FBXL7: variants seen among roughly 807,000 people sequenced by gnomAD.
The protein encoded by FBXL7 is F-box/LRR-repeat protein 7.
A neutral mutation model predicts 38.3 loss-of-function variants in FBXL7; 12 were observed. The observed-to-expected ratio is 0.31, with a 90% CI of 0.20 to 0.51. The LOEUF (loss-of-function observed/expected upper bound fraction) is 0.51. Among genes scored for constraint, FBXL7 ranks in the 20% least tolerant of loss-of-function variants. The pLI is 0.98. For missense variants in FBXL7, 567 were observed against 676.4 expected, an observed-to-expected ratio of 0.84 and a Z score of 1.79; for synonymous variants, 297 against 300.9, an observed-to-expected ratio of 0.99 and a Z score of 0.13.
intron 2 of FBXL7, among the ~76,000 whole-genome samples, chr5:15,803,579 C>T (rs1579476667): frequency 1.3e-5 from 2 of 149,592 alleles, no homozygotes; most frequent in East Asian, 4.0e-4. Flanking sequence ...CCCTTCTTTT[C>T]TTCCCTATCT....
intron 2 of FBXL7, among the ~76,000 whole-genome samples, chr5:15,873,985 A>G (rs977464104): frequency 9.2e-5 from 14 of 152,236 alleles, no homozygotes; most frequent in African/African-American, 3.4e-4. Context: ...ATTTCAGGCC[A>G]ATATCCCTGA....
chr5:15,856,036 T>G (rs373634888), intron 2 of FBXL7, among the ~76,000 whole-genome samples: 3 of 152,300 alleles, frequency 2.0e-5, no homozygotes, highest in African/African-American at 7.2e-5. Context: ...ATTTTCACAC[T>G]GCTGATAAAG....
intron 1 of FBXL7, among the ~76,000 whole-genome samples, chr5:15,593,886 A>G (rs1477412527): frequency 6.6e-6 from 1 of 152,182 alleles, no homozygotes; most frequent in Non-Finnish European, 1.5e-5. Context: ...AGTTATTTTC[A>G]TATTCAATAC....
Position 15,884,147 on chromosome 5 carries a change from C to G in FBXL7, c.128-43743C>G, listed in dbSNP as rs560181517. Among the ~76,000 whole-genome samples, 15 of 152,362 alleles carry G rather than the reference C, an allele frequency of 9.8e-5. 1 individual carries two copies. Among genetic ancestry groups the G allele is most frequent in the African/African-American group, 3.6e-4 (15 of 41,588 alleles). On this transcript the variant is annotated intron_variant, in intron 2 of 3. Coordinates refer to ENST00000504595, the MANE Select transcript of FBXL7 (RefSeq NM_012304.5). ...CTCTTGGCTTCTAGGCAGCCACCAT[C>G]TCCCTGCCTGCTCACATGGCCACTG...
chr5:15,689,166 T>C (rs1190058238), intron 2 of FBXL7, among the ~76,000 whole-genome samples: 1 of 152,172 alleles, frequency 6.6e-6, no homozygotes, highest in Non-Finnish European at 1.5e-5. Context: ...CTGGCCTGCA[T>C]GTCACACTGA....
intron 2 of FBXL7, among the ~76,000 whole-genome samples, chr5:15,820,580 A>C (rs1298179059): frequency 1.3e-5 from 2 of 152,020 alleles, no homozygotes; most frequent in Non-Finnish European, 2.9e-5. Context: ...ACAGCATCCA[A>C]TTTCAGTTTT....
chr5:15,715,721 A>T (rs1377763245), intron 2 of FBXL7, among the ~76,000 whole-genome samples: 1 of 152,214 alleles, frequency 6.6e-6, no homozygotes, highest in African/African-American at 2.4e-5. Context: ...TTGCTAACAC[A>T]TGGTATAAAC....
chr5:15,721,823 T>TTTTATTTATTTA (rs199590835), intron 2 of FBXL7, among the ~76,000 whole-genome samples: 54 of 151,422 alleles, frequency 3.6e-4, no homozygotes, highest in African/African-American at 1.3e-3. Context: ...ATAAGAATCC[T>TTTTATTTATTTA]TTTATTTATT....
intron 2 of FBXL7, among the ~76,000 whole-genome samples, chr5:15,691,427 C>T (rs559547159): frequency 6.6e-6 from 1 of 152,352 alleles, no homozygotes; most frequent in East Asian, 1.9e-4. Flanking sequence ...CAAGCCTTTG[C>T]TCTAAAGTGC....
chr5:15,553,528 A>T (rs572444268), intron 1 of FBXL7, among the ~76,000 whole-genome samples: 7 of 152,290 alleles, frequency 4.6e-5, no homozygotes, highest in Admixed American at 4.6e-4. Flanking sequence ...TACTATCGGG[A>T]ATTTCTAACC....
intron 2 of FBXL7, among the ~76,000 whole-genome samples, chr5:15,645,422 A>G (rs1741498307): frequency 6.6e-6 from 1 of 152,090 alleles, no homozygotes; most frequent in South Asian, 2.1e-4. Flanking sequence ...TGTGACCTGG[A>G]AGCCTCTTCC....
intron 1 of FBXL7, among the ~76,000 whole-genome samples, chr5:15,603,801 A>C (rs1208561432): frequency 1.3e-5 from 2 of 152,200 alleles, no homozygotes; most frequent in African/African-American, 4.8e-5. Context: ...GGAAGAAAGG[A>C]AAACATGACT....
intron 1 of FBXL7, among the ~76,000 whole-genome samples, chr5:15,571,951 A>G (rs1421367273): frequency 2.0e-5 from 3 of 152,168 alleles, no homozygotes; most frequent in Non-Finnish European, 2.9e-5. Flanking sequence ...AACACACAGA[A>G]TTAGCCCAGA....
intron 2 of FBXL7, among the ~76,000 whole-genome samples, chr5:15,753,904 A>G (rs1736221681): frequency 6.6e-6 from 1 of 152,252 alleles, no homozygotes; most frequent in South Asian, 2.1e-4. Flanking sequence ...TGGTCATCAG[A>G]TATAGGCTCT....
intron 2 of FBXL7, among the ~76,000 whole-genome samples, chr5:15,842,870 AT>A (rs1738786729): frequency 6.6e-6 from 1 of 152,174 alleles, no homozygotes; most frequent in Admixed American, 6.5e-5. Flanking sequence ...TTCTTTATAA[AT>A]TTAAATTACC....
chr5:15,685,981 G>T (rs369011989), intron 2 of FBXL7, among the ~76,000 whole-genome samples: 16 of 152,194 alleles, frequency 1.1e-4, no homozygotes, highest in African/African-American at 3.4e-4. Flanking sequence ...CAACAGTCCC[G>T]GGGGGAGACA....
intron 1 of FBXL7, among the ~76,000 whole-genome samples, chr5:15,581,884 A>C (rs1739153325): frequency 6.6e-6 from 1 of 152,108 alleles, no homozygotes; most frequent in Non-Finnish European, 1.5e-5. Flanking sequence ...AGACCTTGCA[A>C]TCTGGACATG....
intron 2 of FBXL7, among the ~76,000 whole-genome samples, chr5:15,667,782 A>G (rs898556291): frequency 7.2e-5 from 11 of 152,136 alleles, no homozygotes; most frequent in Non-Finnish European, 1.0e-4. Flanking sequence ...GGTGATATCC[A>G]GTCCTGAGAT....
chr5:15,524,413 TA>T (rs540873614), intron 1 of FBXL7, among the ~76,000 whole-genome samples: 199 of 152,342 alleles, frequency 1.3e-3, no homozygotes, highest in Middle Eastern at 3.4e-3. Context: ...CAAGGAAACC[TA>T]AGACATTCAT....
Sources: gnomAD v4.1 joint callset for allele counts (sites outside exome capture counted in the v4.1 genomes callset) on GRCh38, gnomAD v4.1.1 for gene constraint, MANE v1.5 for transcripts, NCBI Gene and HGNC (gene_info 2026-07-23, HGNC 2026-07-21) for gene names.